The following BMP5 variants were observed in gnomAD, a reference collection of about 807,000 sequenced individuals.
BMP5 encodes the protein bone morphogenetic protein 5.
Under a neutral mutation model 46.6 loss-of-function variants are expected in BMP5, and 23 were observed. The observed-to-expected ratio is 0.49, with a 90% CI of 0.35 to 0.70. The LOEUF (loss-of-function observed/expected upper bound fraction) is 0.70, where lower values mean the gene tolerates loss of function less well. Among genes scored for constraint, BMP5 ranks in the 30% least tolerant of loss-of-function variants. The pLI is 0.00. For synonymous variants in BMP5, 204 were observed against 191.9 expected (o/e 1.06, Z -0.52); for missense variants, 545 against 565.6 (o/e 0.96, Z 0.37).
At chr6:55,792,991 A>T (rs1425943119) in intron 3 of BMP5, among the ~76,000 whole-genome samples, 1 of 152,156 alleles carries the variant, frequency 6.6e-6, no homozygotes, top group East Asian at 1.9e-4. Flanking sequence ...ATAACAGCAC[A>T]ATGTAGATCT....
chr6:55,828,655 T>C (rs115276381), intron 1 of BMP5, among the ~76,000 whole-genome samples: 2 of 151,844 alleles, frequency 1.3e-5, no homozygotes, highest in South Asian at 4.1e-4. Flanking sequence ...TAGGAACATT[T>C]TATTTAGAAA....
chr6:55,760,581 C>T (rs745352064), intron 4 of BMP5, 48 bp from the exon 5 acceptor site: 2 of 1,495,050 alleles, frequency 1.3e-6, no homozygotes, highest in South Asian at 2.3e-5. Flanking sequence ...TACAGATATA[C>T]TAATACTTCT....
At chr6:55,861,562 G>C (rs373910730) in intron 1 of BMP5, among the ~76,000 whole-genome samples, 1 of 152,256 alleles carries the variant, frequency 6.6e-6, no homozygotes, top group Non-Finnish European at 1.5e-5. Context: ...ACAAATGTCA[G>C]TATCTTTGGT....
intron 4 of BMP5, 109 bp from the exon 5 acceptor site, chr6:55,760,642 G>T: frequency 1.1e-6 from 1 of 933,040 alleles, no homozygotes; most frequent in Non-Finnish European, 1.6e-6. Context: ...TTGAAGTTGT[G>T]GAAAAATGAG....
chr6:55,838,466 C>T (rs924193172), intron 1 of BMP5, among the ~76,000 whole-genome samples: 1 of 152,064 alleles, frequency 6.6e-6, no homozygotes, highest in Non-Finnish European at 1.5e-5. Flanking sequence ...TATCCAAATC[C>T]TTTGCCTATT....
At chr6:55,780,503 G>A (rs1031818693) in intron 3 of BMP5, among the ~76,000 whole-genome samples, 10 of 122,446 alleles carry the variant, frequency 8.2e-5, no homozygotes, top group East Asian at 2.5e-4. Flanking sequence ...AGAAAGAAAC[G>A]TGGTTACAAC....
intron 1 of BMP5, among the ~76,000 whole-genome samples, chr6:55,869,450 C>G (rs1777728633): frequency 6.6e-6 from 1 of 151,938 alleles, no homozygotes; most frequent in African/African-American, 2.4e-5. Flanking sequence ...CACTCTTCGT[C>G]TCTTTATTCT....
intron 3 of BMP5, among the ~76,000 whole-genome samples, chr6:55,779,130 T>C (rs1256642386): frequency 6.6e-6 from 1 of 152,110 alleles, no homozygotes; most frequent in African/African-American, 2.4e-5. Flanking sequence ...CACATGTTGA[T>C]GTTATAAGGA....
At chr6:55,810,442 G>T (rs1169231580) in intron 2 of BMP5, among the ~76,000 whole-genome samples, 1 of 152,048 alleles carries the variant, frequency 6.6e-6, no homozygotes, top group Non-Finnish European at 1.5e-5. Context: ...TAGGTTTCCT[G>T]GCATTACATC....
intron 4 of BMP5, among the ~76,000 whole-genome samples, chr6:55,764,380 T>G (rs576352217): frequency 1.6e-4 from 25 of 152,140 alleles, no homozygotes; most frequent in Non-Finnish European, 2.9e-4. Context: ...GACACCATTC[T>G]GGCTAACACG....
intron 3 of BMP5, among the ~76,000 whole-genome samples, chr6:55,776,225 C>T (rs1411660981): frequency 1.3e-5 from 2 of 151,852 alleles, no homozygotes; most frequent in East Asian, 1.9e-4. Context: ...ATTTGTGGTC[C>T]GAGCAGTTTC....
At chr6:55,866,622 C>T (rs951509242) in intron 1 of BMP5, among the ~76,000 whole-genome samples, 8 of 152,036 alleles carry the variant, frequency 5.3e-5, no homozygotes, top group Non-Finnish European at 1.0e-4. Context: ...ATATTCTTCT[C>T]GTTCCCATAC....
chr6:55,869,865 G>T (rs1434652272), intron 1 of BMP5, among the ~76,000 whole-genome samples: 3 of 152,104 alleles, frequency 2.0e-5, no homozygotes, highest in African/African-American at 7.2e-5. Flanking sequence ...GAGAAAACAG[G>T]AGAGTGTACC....
At chr6:55,799,147 G>T (rs907604815) in intron 2 of BMP5, among the ~76,000 whole-genome samples, 2 of 152,182 alleles carry the variant, frequency 1.3e-5, no homozygotes, top group South Asian at 4.1e-4. Context: ...ATTAAAAATG[G>T]TATGACAATC....
intron 2 of BMP5, among the ~76,000 whole-genome samples, chr6:55,810,159 A>G (rs1160424276): frequency 6.6e-6 from 1 of 152,164 alleles, no homozygotes; most frequent in Non-Finnish European, 1.5e-5. Context: ...ATTCAAATTG[A>G]TCAATGTTTT....
At chr6:55,873,375 G>A (rs561028925) in intron 1 of BMP5, among the ~76,000 whole-genome samples, 11 of 151,974 alleles carry the variant, frequency 7.2e-5, no homozygotes, top group African/African-American at 2.6e-4. Context: ...TTTGTTGATA[G>A]AGTTTTTAAT....
intron 2 of BMP5, among the ~76,000 whole-genome samples, chr6:55,797,807 G>A (rs1775753681): frequency 2.6e-5 from 4 of 151,674 alleles, no homozygotes; most frequent in South Asian, 2.1e-4. Flanking sequence ...TAGTAGAGAC[G>A]GGGTTTCATC....
chr6:55,839,394 C>A (rs1776897132), intron 1 of BMP5, among the ~76,000 whole-genome samples: 1 of 152,110 alleles, frequency 6.6e-6, no homozygotes, highest in African/African-American at 2.4e-5. Context: ...ACAATCATAG[C>A]TCACTGCAGC....
intron 2 of BMP5, among the ~76,000 whole-genome samples, chr6:55,807,890 T>A (rs886747947): frequency 6.6e-6 from 1 of 152,232 alleles, no homozygotes; most frequent in Non-Finnish European, 1.5e-5. Flanking sequence ...ACTGACATGA[T>A]GCCAGTAGGA....
Sources: allele counts gnomAD v4.1 joint callset (sites outside exome capture counted in the v4.1 genomes callset), GRCh38; gene constraint gnomAD v4.1.1; transcripts MANE v1.5; gene names NCBI Gene and HGNC (gene_info 2026-07-23, HGNC 2026-07-21).